The following CPSF4L variants were observed in gnomAD, a reference collection of about 807,000 sequenced individuals.
CPSF4L encodes the protein cleavage and polyadenylation specific factor 4 like.
In CPSF4L, 18 loss-of-function variants were observed where a neutral mutation model predicts 24.0. The ratio of observed to expected loss-of-function variants is 0.75; its 90% confidence interval spans 0.52 to 1.11. The LOEUF (loss-of-function observed/expected upper bound fraction) is 1.11, where lower values mean the gene tolerates loss of function less well. CPSF4L is among the 50% of genes least tolerant of loss of function. The probability of loss-of-function intolerance (pLI) is 0.00; values close to 1 mark genes in which losing one functional copy is unlikely to be tolerated. For missense variants in CPSF4L, 211 were observed against 221.8 expected (o/e 0.95, Z 0.31); for synonymous variants, 72 against 77.2 (o/e 0.93, Z 0.35).
At position 73,261,860 on chromosome 17, in the gene CPSF4L, G is replaced by A. The variant is rs1487702530; in HGVS notation, c.-42C>T. ...GGGCTGCGGAAGCTGCTGGAACCCA[G>A]GCAGGTGGGCCCAATATAGCTCATC... On this transcript the variant is annotated 5_prime_UTR_variant, in exon 1 of 6. Transcript: ENST00000344935. The A allele has an allele frequency of 6.9e-7, 1 of 1,454,456 alleles. No homozygotes were observed. Among genetic ancestry groups the A allele is most frequent in the South Asian group, 1.2e-5 (1 of 82,242 alleles). 90.1% of individuals were successfully genotyped at this position (1,454,456 alleles called of 1,614,324 possible).
At chr17:73,251,284 G>A (rs2062005062) in intron 5 of CPSF4L, among the ~76,000 whole-genome samples, 1 of 152,156 alleles carries the variant, frequency 6.6e-6, no homozygotes, top group Admixed American at 6.5e-5. Context: ...GGCTTTCATT[G>A]TAAATGGGCT....
At chr17:73,245,107 A>G (rs1465592047), downstream of CPSF4L, 1 of 1,509,012 alleles carries the variant, frequency 6.6e-7, no homozygotes, top group African/African-American at 1.4e-5. Flanking sequence ...GAGGCAAAAG[A>G]TAGTAACAGT....
intron 5 of CPSF4L, chr17:73,248,743 G>A: frequency 1.8e-6 from 1 of 557,684 alleles, no homozygotes; most frequent in Admixed American, 3.2e-5. Flanking sequence ...GTCTGTGTAA[G>A]TGGATTAACC....
the CPSF4L span, among the ~76,000 whole-genome samples, chr17:73,242,611 G>T: frequency 4.2e-4 from 64 of 152,164 alleles, no homozygotes; most frequent in East Asian, 0.011. Flanking sequence ...CACATTGATT[G>T]TGCCTCCTCC....
At chr17:73,257,932 C>T (rs780122510) in intron 2 of CPSF4L, 99 bp from the exon 3 acceptor site, 20 of 1,291,440 alleles carry the variant, frequency 1.5e-5, no homozygotes, top group Non-Finnish European at 2.1e-5. Flanking sequence ...CTGACTCAGT[C>T]CCCAGCGGCT....
chr17:73,242,837 G>T, the CPSF4L span: 1 of 1,380,688 alleles, frequency 7.2e-7, no homozygotes, highest in Non-Finnish European at 1.0e-6. Flanking sequence ...TGAATGACTC[G>T]CGGATACTGG....
intron 3 of CPSF4L, among the ~76,000 whole-genome samples, chr17:73,256,056 A>G (rs1330731391): frequency 6.6e-6 from 1 of 152,212 alleles, no homozygotes; most frequent in Admixed American, 6.5e-5. Flanking sequence ...AGAACAGTAG[A>G]TTACATCTTG....
chr17:73,253,590 A>C (rs1194506543), intron 4 of CPSF4L, among the ~76,000 whole-genome samples: 1 of 152,208 alleles, frequency 6.6e-6, no homozygotes, highest in Non-Finnish European at 1.5e-5. Flanking sequence ...CAGGTGGGTA[A>C]GTGGAATGCG....
At chr17:73,254,435 T>C (rs1223965402) in intron 3 of CPSF4L, among the ~76,000 whole-genome samples, 3 of 152,166 alleles carry the variant, frequency 2.0e-5, no homozygotes, top group Non-Finnish European at 4.4e-5. Context: ...CTGCAGAGCC[T>C]AGGGAAGCTG....
At chr17:73,242,150 C>T in the CPSF4L span, 14 of 738,358 alleles carry the variant, frequency 1.9e-5, no homozygotes, top group Non-Finnish European at 2.9e-5. Context: ...ATATGCTCTT[C>T]CTGAGGCTTA....
the CPSF4L span, chr17:73,242,969 C>A: frequency 1.2e-6 from 2 of 1,613,742 alleles, no homozygotes. Context: ...CAGGATACTT[C>A]GTCCTGTGTT....
At position 73,257,894 on chromosome 17, in the gene CPSF4L, C is replaced by T. The variant is rs1289550146; in HGVS notation, c.155-61G>A. ...CATCCACAGCCTGGGCCCAGCTCAG[C>T]CCTCCAGGGGATTCCCCAGGAGGGT... On this transcript the variant is annotated intron_variant, in intron 2 of 5. Coordinates refer to ENST00000344935, the MANE Select transcript of CPSF4L (RefSeq NM_001129885.1). 5 of 1,529,594 alleles carry T rather than the reference C, an allele frequency of 3.3e-6. No individual in the cohort carries two copies. The East Asian group carries it at 1.2e-4, about 37-fold the overall frequency. 94.8% of individuals were successfully genotyped at this position (1,529,594 alleles called of 1,614,324 possible). A position where few individuals can be genotyped will look rare whatever the true frequency, so the allele number is the denominator to read the frequency against.
chr17:73,257,101 C>T (rs1349973935), intron 3 of CPSF4L, among the ~76,000 whole-genome samples: 6 of 152,194 alleles, frequency 3.9e-5, no homozygotes, highest in Non-Finnish European at 5.9e-5. Flanking sequence ...CTGGTCCAGG[C>T]TTGACCGCAC....
chr17:73,248,706 G>C (rs1044514800), intron 5 of CPSF4L, 170 bp from the exon 6 acceptor site: 1 of 692,326 alleles, frequency 1.4e-6, no homozygotes, highest in Non-Finnish European at 2.5e-6. Flanking sequence ...GGACATGCCT[G>C]AATACCCCGG....
At chr17:73,255,479 C>G (rs980266376) in intron 3 of CPSF4L, among the ~76,000 whole-genome samples, 13 of 149,684 alleles carry the variant, frequency 8.7e-5, no homozygotes, top group Admixed American at 2.7e-4. Context: ...TCCATTCCAG[C>G]CTGGGCAACA....
upstream of CPSF4L, chr17:73,262,076 C>T (rs1376501263): frequency 1.7e-5 from 8 of 476,330 alleles, no homozygotes; most frequent in Admixed American, 1.0e-4. Context: ...AAGGCTCACT[C>T]GGATAGGGAG....
At chr17:73,261,188 C>T (rs1438148589) in intron 1 of CPSF4L, among the ~76,000 whole-genome samples, 1 of 152,334 alleles carries the variant, frequency 6.6e-6, no homozygotes, top group Non-Finnish European at 1.5e-5. Flanking sequence ...AACAGAGGAG[C>T]TCGAGGGGCT....
rs199773733 is a variant in CPSF4L, at chr17:73,260,969, C to A, written c.118G>T (p.Val40Leu). ...AGCCCTTTAGTGAAGAAGTTGCACA[C>A]AGCTGAGGCCGACTCTGGAAGGAGA... ...FQGMDKSASA[V>L]CNFFTKGLCE... is the part of the protein sequence containing the mutation. Residue 40 changes from valine to leucine, a missense_variant, in exon 2 of 6, where the codon GTG (valine) becomes TTG (leucine). Coordinates refer to ENST00000344935, the MANE Select transcript of CPSF4L (RefSeq NM_001129885.1). 1.6e-3 allele frequency: 2,506 copies of A among 1,550,386 alleles called. 7 individuals carry two copies. Among genetic ancestry groups the A allele is most frequent in the Non-Finnish European group, 2.1e-3 (2,363 of 1,146,194 alleles).
downstream of CPSF4L, chr17:73,248,363 T>G (rs933996387): frequency 8.4e-6 from 7 of 836,602 alleles, no homozygotes; most frequent in Admixed American, 4.6e-5. Flanking sequence ...AGAACGTCTC[T>G]AACATGATTT....
Sources: gnomAD v4.1 joint callset for allele counts (sites outside exome capture counted in the v4.1 genomes callset) on GRCh38, gnomAD v4.1.1 for gene constraint, MANE v1.5 for transcripts, NCBI Gene and HGNC (gene_info 2026-07-23, HGNC 2026-07-21) for gene names.